The following RAB38 variants were observed in gnomAD, a reference collection of about 807,000 sequenced individuals.
RAB38 encodes the protein RAB38, member RAS oncogene family.
RAB38 carries 15 observed loss-of-function variants against 18.4 expected under a neutral mutation model. The observed-to-expected ratio is 0.82, with a 90% confidence interval of 0.55 to 1.26. The LOEUF (loss-of-function observed/expected upper bound fraction) is 1.26, where lower values mean the gene tolerates loss of function less well. Ranked by LOEUF, RAB38 falls within the 50% of genes most tolerant of loss-of-function variation. The pLI is 0.00. For synonymous variants in RAB38, 101 were observed against 104.4 expected (o/e 0.97, Z 0.20); for missense variants, 294 against 267.4 (o/e 1.10, Z -0.69).
chr11:88,174,652 A>C (rs1478847974), intron 1 of RAB38, among the ~76,000 whole-genome samples: 5 of 149,620 alleles, frequency 3.3e-5, no homozygotes, highest in South Asian at 2.1e-4. Context: ...CAAAACAAAA[A>C]CCCTCAAACT....
At chr11:87,977,757 A>C in the RAB38 span, among the ~76,000 whole-genome samples, 1 of 60,870 alleles carries the variant, frequency 1.6e-5, no homozygotes, top group East Asian at 4.4e-4. Context: ...TAATATATAT[A>C]TATTATATTA....
chr11:88,119,115 T>C (rs1486792053), intron 2 of RAB38, among the ~76,000 whole-genome samples: 1 of 152,170 alleles, frequency 6.6e-6, no homozygotes, highest in Non-Finnish European at 1.5e-5. Flanking sequence ...AACTTCTCAA[T>C]CCTGGCTGTA....
the RAB38 span, among the ~76,000 whole-genome samples, chr11:88,099,234 T>C: frequency 2.6e-5 from 4 of 152,066 alleles, no homozygotes; most frequent in Non-Finnish European, 5.9e-5. Context: ...ATGTATAATA[T>C]GTAAAAAATG....
At chr11:87,970,688 A>G in the RAB38 span, among the ~76,000 whole-genome samples, 1 of 152,096 alleles carries the variant, frequency 6.6e-6, no homozygotes, top group Non-Finnish European at 1.5e-5. Context: ...AGGTAGTTGG[A>G]GAAGGGCGCT....
At chr11:87,959,481 T>C in the RAB38 span, among the ~76,000 whole-genome samples, 1 of 152,192 alleles carries the variant, frequency 6.6e-6, no homozygotes, top group Non-Finnish European at 1.5e-5. Context: ...CACGTTAGCA[T>C]TTGTGGAATA....
rs527733503 is a variant in RAB38, at chr11:88,142,282, A to C, written c.483+7393T>G. ...TTTGAGCAAGTCCCTTAATCATACC[A>C]CAACTCCTCCACATGGAAAACGGGG... On this transcript the variant is annotated intron_variant, in intron 2 of 2. Transcript: ENST00000243662. Among the ~76,000 whole-genome samples, 21 of 152,340 alleles carry C rather than the reference A, an allele frequency of 1.4e-4. No homozygotes were observed. The South Asian group carries it at 4.1e-3, about 30-fold the overall frequency.
the RAB38 span, among the ~76,000 whole-genome samples, chr11:87,950,246 C>T: frequency 6.6e-6 from 1 of 152,040 alleles, no homozygotes; most frequent in Non-Finnish European, 1.5e-5. Context: ...CTTGATAAAT[C>T]TTCCTCCATC....
chr11:88,027,611 C>G, the RAB38 span, among the ~76,000 whole-genome samples: 2 of 152,228 alleles, frequency 1.3e-5, no homozygotes, highest in Non-Finnish European at 2.9e-5. Context: ...CATGGAGTCT[C>G]GCTGATTGCT....
Position 88,125,685 on chromosome 11 carries a change from A to G in RAB38, c.484-11545T>C, listed in dbSNP as rs527395187. On this transcript the variant is annotated intron_variant, in intron 2 of 2. Transcript: ENST00000243662. Reference sequence around the variant, plus strand: ...TACGTTGCCTGTTCACTCTGATGGTAGTTTCTTTTGCTGTGCAGAAGCTCT... The same window carrying G: ...TACGTTGCCTGTTCACTCTGATGGTGGTTTCTTTTGCTGTGCAGAAGCTCT... Among the ~76,000 whole-genome samples, 4 of 152,282 alleles carry G rather than the reference A, an allele frequency of 2.6e-5. 1 individual carries two copies. The South Asian group carries it at 8.3e-4, about 32-fold the overall frequency.
At chr11:88,071,323 C>T in the RAB38 span, among the ~76,000 whole-genome samples, 1 of 151,972 alleles carries the variant, frequency 6.6e-6, no homozygotes, top group African/African-American at 2.4e-5. Flanking sequence ...ACAAAATCCA[C>T]CTGCCTATGA....
the RAB38 span, among the ~76,000 whole-genome samples, chr11:88,048,937 T>C: frequency 6.6e-6 from 1 of 152,134 alleles, no homozygotes; most frequent in Non-Finnish European, 1.5e-5. Flanking sequence ...TTTCTCCTTG[T>C]CTTATTCCGT....
the RAB38 span, among the ~76,000 whole-genome samples, chr11:87,926,080 T>C: frequency 6.6e-6 from 1 of 151,796 alleles, no homozygotes; most frequent in African/African-American, 2.4e-5. Flanking sequence ...ACTCTGTTAA[T>C]GGCCTATGCT....
chr11:87,917,539 T>G, the RAB38 span, among the ~76,000 whole-genome samples: 3 of 151,122 alleles, frequency 2.0e-5, no homozygotes, highest in African/African-American at 7.3e-5. Context: ...GTTTTTTTTT[T>G]TTTTTTTTTT....
the RAB38 span, among the ~76,000 whole-genome samples, chr11:87,873,445 T>C: frequency 6.6e-6 from 1 of 151,552 alleles, no homozygotes; most frequent in African/African-American, 2.4e-5. Context: ...GAAGTTGTTA[T>C]TATTTAGTGA....
At chr11:87,953,052 T>A in the RAB38 span, among the ~76,000 whole-genome samples, 1,398 of 150,548 alleles carry the variant, frequency 9.3e-3, 11 homozygotes, top group Non-Finnish European at 0.013. Context: ...GATCATTATG[T>A]AAATATGTCA....
At chr11:87,842,956 T>C in the RAB38 span, among the ~76,000 whole-genome samples, 2 of 152,188 alleles carry the variant, frequency 1.3e-5, no homozygotes, top group African/African-American at 4.8e-5. Context: ...TTTGCAGCCA[T>C]GGAAACAAGC....
At chr11:88,085,893 T>C in the RAB38 span, among the ~76,000 whole-genome samples, 1 of 151,926 alleles carries the variant, frequency 6.6e-6, no homozygotes, top group East Asian at 1.9e-4. Flanking sequence ...AGGCTGTTCT[T>C]ACACCTGAAA....
the RAB38 span, among the ~76,000 whole-genome samples, chr11:88,058,095 C>T: frequency 6.6e-6 from 1 of 152,096 alleles, no homozygotes; most frequent in Admixed American, 6.6e-5. Flanking sequence ...AAAAGATAAA[C>T]CAGAGGCATT....
the RAB38 span, among the ~76,000 whole-genome samples, chr11:87,888,645 A>T: frequency 1.3e-5 from 2 of 151,812 alleles, no homozygotes; most frequent in Admixed American, 1.3e-4. Flanking sequence ...GAACAAGGGG[A>T]TTAGAAGGGA....
Sources: gnomAD v4.1 joint callset for allele counts (sites outside exome capture counted in the v4.1 genomes callset) on GRCh38, gnomAD v4.1.1 for gene constraint, MANE v1.5 for transcripts, NCBI Gene and HGNC (gene_info 2026-07-23, HGNC 2026-07-21) for gene names.